PTBP3: variants seen among roughly 807,000 people sequenced by gnomAD.
PTBP3 encodes the protein polypyrimidine tract-binding protein 3.
A neutral mutation model predicts 58.7 loss-of-function variants in PTBP3; 20 were observed. The observed-to-expected ratio is 0.34, with a 90% CI of 0.24 to 0.50. PTBP3 has a LOEUF of 0.50. Among genes scored for constraint, PTBP3 ranks in the 20% least tolerant of loss-of-function variants. PTBP3 has a pLI of 0.98. For missense variants in PTBP3, 509 were observed against 637.2 expected, an observed-to-expected ratio of 0.80 and a Z score of 2.17; for synonymous variants, 185 against 219.8, an observed-to-expected ratio of 0.84 and a Z score of 1.40.
intron 7 of PTBP3, among the ~76,000 whole-genome samples, chr9:112,239,487 T>C (rs549531641): frequency 9.9e-5 from 15 of 151,980 alleles, no homozygotes; most frequent in Admixed American, 3.3e-4. Context: ...CCCAGCACTT[T>C]AGGAGGCCAA....
Position 112,220,000 on chromosome 9 carries a change from A to T in PTBP3, c.*3851T>A, listed in dbSNP as rs1834747959. The T allele has an allele frequency of 1.2e-6, 1 of 865,118 alleles. No homozygotes were observed. 53.6% of individuals were successfully genotyped at this position (865,118 alleles called of 1,614,324 possible). A position where few individuals can be genotyped will look rare whatever the true frequency, so the allele number is the denominator to read the frequency against. On this transcript the variant is annotated 3_prime_UTR_variant, in exon 14 of 14. Coordinates refer to ENST00000374257, the MANE Select transcript of PTBP3 (RefSeq NM_001163788.4). ...ATCTAAATTGTATTTCTTTCAGCACAATAGTAGAGTATTTTGAGTCTGGCA... is the reference window on the plus strand; with the variant it reads ...ATCTAAATTGTATTTCTTTCAGCACTATAGTAGAGTATTTTGAGTCTGGCA...
chr9:112,227,718 A>C, intron 11 of PTBP3, 91 bp from the exon 12 acceptor site: 1 of 1,007,132 alleles, frequency 9.9e-7, no homozygotes, highest in Non-Finnish European at 1.5e-6. Context: ...ATTTTTATGT[A>C]GTTATTTAAA....
intron 3 of PTBP3, among the ~76,000 whole-genome samples, chr9:112,268,597 G>A (rs932961858): frequency 1.3e-5 from 2 of 151,716 alleles, no homozygotes; most frequent in Non-Finnish European, 2.9e-5. Flanking sequence ...TTGGGGTGGG[G>A]GGGTGAGGGA....
chr9:112,323,883 A>G (rs1489556253), intron 1 of PTBP3, among the ~76,000 whole-genome samples: 2 of 152,236 alleles, frequency 1.3e-5, no homozygotes, highest in African/African-American at 2.4e-5. Flanking sequence ...AGAATTTTCC[A>G]TAATTAGTGA....
intron 1 of PTBP3, among the ~76,000 whole-genome samples, chr9:112,306,605 T>TATATATATATA (rs746604981): frequency 2.7e-4 from 25 of 94,146 alleles, no homozygotes; most frequent in African/African-American, 9.6e-4. Context: ...TATATATATA[T>TATATATATATA]TTTTGTTTGT....
the PTBP3 span, among the ~76,000 whole-genome samples, chr9:112,363,560 A>ACACACACACACACAC: frequency 2.1e-5 from 2 of 95,736 alleles, no homozygotes; most frequent in African/African-American, 9.0e-5. Flanking sequence ...ACACACACAC[A>ACACACACACACACAC]AAGGCTATTC....
intron 7 of PTBP3, among the ~76,000 whole-genome samples, chr9:112,245,233 C>T (rs1469951871): frequency 1.3e-5 from 2 of 152,150 alleles, no homozygotes; most frequent in Admixed American, 1.3e-4. Context: ...CTGCTTGAAC[C>T]CAGGAGGCAA....
the PTBP3 span, among the ~76,000 whole-genome samples, chr9:112,367,314 C>T: frequency 2.6e-5 from 4 of 152,164 alleles, no homozygotes; most frequent in African/African-American, 9.7e-5. Flanking sequence ...GAATGTTATA[C>T]TTGCATGTTT....
the PTBP3 span, among the ~76,000 whole-genome samples, chr9:112,376,252 GTTTTTT>G: frequency 4.0e-5 from 3 of 75,006 alleles, 1 homozygote; most frequent in Admixed American, 4.2e-4. Context: ...AGTTTATTAA[GTTTTTT>G]TTTTTTTTTT....
At chr9:112,372,814 T>C in the PTBP3 span, among the ~76,000 whole-genome samples, 1 of 152,220 alleles carries the variant, frequency 6.6e-6, no homozygotes, top group Admixed American at 6.5e-5. Context: ...CATTCATTAG[T>C]TGATAGACAT....
At chr9:112,328,606 T>A (rs1830246474) in intron 1 of PTBP3, among the ~76,000 whole-genome samples, 1 of 151,960 alleles carries the variant, frequency 6.6e-6, no homozygotes, top group Admixed American at 6.6e-5. Context: ...AGGCCAAGAG[T>A]TTGAGACCAG....
chr9:112,249,205 G>A (rs567053150), intron 7 of PTBP3, among the ~76,000 whole-genome samples: 3 of 152,080 alleles, frequency 2.0e-5, no homozygotes, highest in Non-Finnish European at 2.9e-5. Context: ...CTTGGGGGAA[G>A]GAGAGTGAAC....
At chr9:112,286,190 G>C (rs1468440023) in intron 2 of PTBP3, among the ~76,000 whole-genome samples, 1 of 152,088 alleles carries the variant, frequency 6.6e-6, no homozygotes, top group Non-Finnish European at 1.5e-5. Flanking sequence ...CTTTTTACCT[G>C]AGATTTCATA....
intron 2 of PTBP3, among the ~76,000 whole-genome samples, chr9:112,287,020 C>T (rs559887137): frequency 1.3e-5 from 2 of 152,176 alleles, no homozygotes; most frequent in Admixed American, 6.5e-5. Context: ...CCCCCTCATC[C>T]GTCTCCACCA....
chr9:112,353,507 A>G, the PTBP3 span, among the ~76,000 whole-genome samples: 1 of 150,136 alleles, frequency 6.7e-6, no homozygotes, highest in South Asian at 2.1e-4. Context: ...CGGCCTCCCA[A>G]AGTGCTGGGA....
chr9:112,231,977 A>AAG (rs879514205), intron 9 of PTBP3, 122 bp downstream of exon 9: 16,821 of 353,058 alleles, frequency 0.048, 419 homozygotes, highest in African/African-American at 0.096. Flanking sequence ...GAGAGAAGAG[A>AAG]AGAGAAGAGA....
intron 5 of PTBP3, among the ~76,000 whole-genome samples, chr9:112,255,711 C>CT (rs1271057825): frequency 6.6e-6 from 1 of 152,180 alleles, no homozygotes; most frequent in Non-Finnish European, 1.5e-5. Flanking sequence ...TCTTGTATAA[C>CT]ACTACTCTAT....
At chr9:112,332,201 G>A (rs1830403076) in intron 1 of PTBP3, among the ~76,000 whole-genome samples, 2 of 152,100 alleles carry the variant, frequency 1.3e-5, no homozygotes, top group South Asian at 4.1e-4. Flanking sequence ...ATTTTTTGAA[G>A]CTTCAATCAA....
chr9:112,357,985 T>G, the PTBP3 span, among the ~76,000 whole-genome samples: 1 of 152,006 alleles, frequency 6.6e-6, no homozygotes. Context: ...AATGGTAAAT[T>G]TTATGTTAGG....
Sources: gnomAD v4.1 joint callset for allele counts (sites outside exome capture counted in the v4.1 genomes callset) on GRCh38, gnomAD v4.1.1 for gene constraint, MANE v1.5 for transcripts, NCBI Gene and HGNC (gene_info 2026-07-23, HGNC 2026-07-21) for gene names.